ESS2: variants seen among roughly 807,000 people sequenced by gnomAD.
The protein encoded by ESS2 is splicing factor ESS-2 homolog.
ESS2 carries 31 observed loss-of-function variants against 52.0 expected under a neutral mutation model. The observed-to-expected ratio is 0.60, with a 90% CI of 0.45 to 0.81. The LOEUF (loss-of-function observed/expected upper bound fraction) is 0.81. ESS2 is among the 30% of genes least tolerant of loss of function. The probability of loss-of-function intolerance (pLI) is 0.00; values close to 1 mark genes in which losing one functional copy is unlikely to be tolerated. For missense variants in ESS2, 602 were observed against 637.2 expected (o/e 0.94, Z 0.59); for synonymous variants, 285 against 259.2 (o/e 1.10, Z -0.95).
rs968970475 is a variant in ESS2, at chr22:19,130,345, C to T, written c.*3851G>A. 14 of 159,942 alleles carry T rather than the reference C, an allele frequency of 8.8e-5. No homozygotes were observed. The highest frequency in any genetic ancestry group is 3.4e-4 in the African/African-American group (14 of 41,556). 9.9% of individuals were successfully genotyped at this position (159,942 alleles called of 1,614,324 possible). A position where few individuals can be genotyped will look rare whatever the true frequency, so the allele number is the denominator to read the frequency against. On this transcript the variant is annotated 3_prime_UTR_variant, in exon 10 of 10. Transcript: ENST00000252137. Reference sequence around the variant, plus strand: ...GAAGGCTGGAGATAATTCCAGCAGACCAACTCAAAGTGCTACAATTTTCTT... The same window carrying T: ...GAAGGCTGGAGATAATTCCAGCAGATCAACTCAAAGTGCTACAATTTTCTT...
At chr22:19,137,686 C>T (rs2083607861) in intron 7 of ESS2, 1 of 967,008 alleles carries the variant, frequency 1.0e-6, no homozygotes, top group Non-Finnish European at 1.2e-6. Context: ...GGGAGGTCTC[C>T]CCCAGCCACG....
chr22:19,135,036 C>T (rs1456355693), intron 9 of ESS2, 24 bp downstream of exon 9: 4 of 1,605,626 alleles, frequency 2.5e-6, no homozygotes, highest in East Asian at 2.2e-5. Context: ...CTCGCACTTC[C>T]CCACCAGCCA....
chr22:19,138,751 C>A (rs544813714), intron 6 of ESS2, among the ~76,000 whole-genome samples: 6 of 152,226 alleles, frequency 3.9e-5, no homozygotes, highest in African/African-American at 1.4e-4. Context: ...AGTATCTACT[C>A]GTCTTGCTCC....
At position 19,135,470 on chromosome 22, in the gene ESS2, G is replaced by C. The variant is rs114859643; in HGVS notation, c.1036-295C>G. Reference sequence around the variant, plus strand: ...CCTGATTATCAGAGTGAACATCTCTGTCTTTATCGGCGCTCTGTATTTCGG... The same window carrying C: ...CCTGATTATCAGAGTGAACATCTCTCTCTTTATCGGCGCTCTGTATTTCGG... On this transcript the variant is annotated intron_variant, in intron 8 of 9. Transcript: ENST00000252137. Among the ~76,000 whole-genome samples the C allele has an allele frequency of 2.7e-3, 415 of 152,336 alleles. 3 individuals are homozygous for C. The highest frequency in any genetic ancestry group is 9.5e-3 in the African/African-American group (396 of 41,582).
chr22:19,142,899 A>G lies in ESS2; in HGVS notation c.136-5T>C, dbSNP rs1268999545. On this transcript the variant is annotated splice_region_variant and splice_polypyrimidine_tract_variant and intron_variant, in intron 1 of 9. Coordinates refer to ENST00000252137, the MANE Select transcript of ESS2 (RefSeq NM_022719.3). ...TTGGATGACCGTCTGGAGGCCCTGCAAGGAGAGATCAGAATGAAAGTCAGA... is the reference window on the plus strand; with the variant it reads ...TTGGATGACCGTCTGGAGGCCCTGCGAGGAGAGATCAGAATGAAAGTCAGA... 6.2e-7 allele frequency: 1 copy of G among 1,611,074 alleles called. No homozygotes were observed.
In ESS2 at chr22:19,134,466, G is replaced by T. The variant is rs905035244; in HGVS notation, c.1161C>A (p.Pro387=). The change falls in exon 10 of 10, where the codon CCC becomes CCA. Residue 387 remains proline (P), a synonymous_variant. Coordinates refer to ENST00000252137, the MANE Select transcript of ESS2 (RefSeq NM_022719.3). ...GCGACATGGCTGGGCTCAGGCCTTTGGGGGTGAGGCTGGGGTGGAGGAATG... is the reference window on the plus strand; with the variant it reads ...GCGACATGGCTGGGCTCAGGCCTTTTGGGGTGAGGCTGGGGTGGAGGAATG... ...RVTENLASLT[P]KGLSPAMSPA... The T allele has an allele frequency of 2.9e-5, 46 of 1,562,600 alleles. No individual in the cohort carries two copies. The highest frequency in any genetic ancestry group is 4.0e-5 in the Non-Finnish European group (46 of 1,150,676).
intron 1 of ESS2, among the ~76,000 whole-genome samples, chr22:19,143,241 G>A (rs1443106321): frequency 6.6e-6 from 1 of 150,710 alleles, no homozygotes; most frequent in Admixed American, 6.6e-5. Flanking sequence ...AGTCGGAGCT[G>A]CAGTCTGGGT....
intron 7 of ESS2, chr22:19,137,641 G>A: frequency 1.3e-6 from 1 of 781,092 alleles, no homozygotes; most frequent in Middle Eastern, 6.6e-4. Flanking sequence ...GCAGGCTCAA[G>A]GCCCTACAGC....
rs1475306045 is a variant in ESS2, at chr22:19,132,059, C to G, written c.*2137G>C. The G allele has an allele frequency of 1.2e-6, 2 of 1,613,940 alleles. No homozygotes were observed. The highest frequency in any genetic ancestry group is 1.7e-6 in the Non-Finnish European group (2 of 1,179,964). On this transcript the variant is annotated 3_prime_UTR_variant, in exon 10 of 10. Transcript: ENST00000252137. The surrounding 1 kb of genome is among the most constrained non-coding windows in gnomAD (Gnocchi z 4.2). ...GCTCCATGCCCTATGACGACTCCGA[C>G]ATCAGGAAGATGCTGCGTATCCAGA...
rs1027407202 is a variant in ESS2, at chr22:19,134,556, G to A, written c.1152-81C>T. The A allele has an allele frequency of 1.4e-5, 19 of 1,394,260 alleles. No homozygotes were observed. The Admixed American group carries it at 3.3e-4, about 24-fold the overall frequency. The allele number at this position is 1,394,260 out of a possible 1,614,324, so 86.4% of individuals were successfully genotyped here. A position where few individuals can be genotyped will look rare whatever the true frequency, so the allele number is the denominator to read the frequency against. On this transcript the variant is annotated intron_variant, in intron 9 of 9. Transcript: ENST00000252137. ...CAGCAGGGCCTCCCTTGGCTCCCAGGAAGAGCCTGGGCAGAGACACAGTCA... is the reference window on the plus strand; with the variant it reads ...CAGCAGGGCCTCCCTTGGCTCCCAGAAAGAGCCTGGGCAGAGACACAGTCA...
intron 6 of ESS2, 101 bp from the exon 7 acceptor site, chr22:19,138,418 C>T: frequency 8.9e-7 from 1 of 1,128,086 alleles, no homozygotes; most frequent in South Asian, 1.3e-5. Flanking sequence ...CACTTCCTCT[C>T]CTCAGGGCAA....
rs534707719 is a variant in ESS2 at position 19,135,443 on chromosome 22, T to C, written c.1036-268A>G. On this transcript the variant is annotated intron_variant, in intron 8 of 9. Coordinates refer to ENST00000252137, the MANE Select transcript of ESS2 (RefSeq NM_022719.3). ...GGAAAAAGCAGTCTGTTTTAGTGTT[T>C]CCCTGATTATCAGAGTGAACATCTC... Among the ~76,000 whole-genome samples the C allele has an allele frequency of 3.7e-3, 567 of 152,330 alleles. 2 individuals are homozygous for C. The highest frequency in any genetic ancestry group is 5.0e-3 in the Non-Finnish European group (342 of 68,028).
intron 6 of ESS2, 68 bp downstream of exon 6, chr22:19,139,091 G>A: frequency 6.6e-7 from 1 of 1,526,714 alleles, no homozygotes; most frequent in South Asian, 1.2e-5. Flanking sequence ...AGATGGGAGA[G>A]ATCATGCCTG....
In ESS2 at chr22:19,131,631, A is replaced by G. The variant is rs1266897764; in HGVS notation, c.*2565T>C. The G allele has an allele frequency of 6.2e-7, 1 of 1,613,916 alleles. No homozygotes were observed. On this transcript the variant is annotated 3_prime_UTR_variant, in exon 10 of 10. Transcript: ENST00000252137. This position sits in a 1 kb window ranked among gnomAD's most constrained non-coding sequence, Gnocchi z 5.7. ...CGGCTCCATCATCAAGACTTACGAG[A>G]TCTTTGAGACCTCTGACGGACGGAT...
Position 19,142,728 on chromosome 22 carries a change from G to A in ESS2, c.302C>T (p.Pro101Leu). ...CGCCACCCACAGGGTCCTCATACAG[G>A]GTGGCGGGGGCTCCCGGGACATCTT... ...LGKMSREPPP[P>L]YVTPATFETP... Residue 101 changes from proline to leucine, a missense_variant and splice_region_variant, in exon 2 of 10, where the codon CCC becomes CTC. Pro to Leu is a moderately conservative substitution (Grantham distance 98). Coordinates refer to ENST00000252137, the MANE Select transcript of ESS2 (RefSeq NM_022719.3). 6.2e-7 allele frequency: 1 copy of A among 1,613,740 alleles called. No individual in the cohort carries two copies. Among genetic ancestry groups the A allele is most frequent in the South Asian group, 1.1e-5 (1 of 91,042 alleles).
chr22:19,131,527 T>A lies in ESS2; in HGVS notation c.*2669A>T. The A allele has an allele frequency of 6.2e-7, 1 of 1,614,158 alleles. No individual in the cohort carries two copies. The highest frequency in any genetic ancestry group is 8.5e-7 in the Non-Finnish European group (1 of 1,180,026). On this transcript the variant is annotated 3_prime_UTR_variant, in exon 10 of 10. Transcript: ENST00000252137. This position sits in a 1 kb window ranked among gnomAD's most constrained non-coding sequence, Gnocchi z 5.7. ...AAGTTCAATGTGGCTGTCAAGATCA[T>A]CGACCGCAAGAAAACACCTACTGAC...
At position 19,132,287 on chromosome 22, in the gene ESS2, G is replaced by T. The variant is rs374835818; in HGVS notation, c.*1909C>A. The T allele has an allele frequency of 6.2e-7, 1 of 1,613,582 alleles. No individual in the cohort carries two copies. The highest frequency in any genetic ancestry group is 8.5e-7 in the Non-Finnish European group (1 of 1,180,018). On this transcript the variant is annotated 3_prime_UTR_variant, in exon 10 of 10. Coordinates refer to ENST00000252137, the MANE Select transcript of ESS2 (RefSeq NM_022719.3). This position sits in a 1 kb window ranked among gnomAD's most constrained non-coding sequence, Gnocchi z 4.2. ...AGGGGGAGGGCAAGTACCGCGCTGA[G>T]TGCAAACTGGACACCAAGACAGGCT... is the stretch of plus-strand genomic sequence containing the variant.
chr22:19,144,615 G>A lies in ESS2; in HGVS notation c.26C>T (p.Ser9Leu), dbSNP rs201845619. The A allele has an allele frequency of 7.7e-6, 12 of 1,554,472 alleles. No individual in the cohort carries two copies. The highest frequency in any genetic ancestry group is 1.7e-4 in the Middle Eastern group (1 of 5,800). METPGASA[S>L]SLLLPAASRP... ...GGACGCGGCGGGAAGCAACAAGGAC[G>A]ACGCTGATGCGCCCGGCGTCTCCAT... The change falls in exon 1 of 10, where the codon TCG becomes TTG. Residue 9 changes from serine (S) to leucine (L), a missense_variant. Transcript: ENST00000252137.
At chr22:19,135,282 A>G (rs1332378223) in intron 8 of ESS2, 107 bp from the exon 9 acceptor site, 3 of 875,220 alleles carry the variant, frequency 3.4e-6, no homozygotes, top group African/African-American at 1.7e-5. Context: ...TTTGTTGCCT[A>G]CAAAACCCCC....
Sources: allele counts gnomAD v4.1 joint callset (sites outside exome capture counted in the v4.1 genomes callset), GRCh38; gene constraint gnomAD v4.1.1; non-coding constraint Gnocchi (gnomAD v3.1); transcripts MANE v1.5; gene names NCBI Gene and HGNC (gene_info 2026-07-23, HGNC 2026-07-21).